The following NARS1 variants were observed in gnomAD, a reference collection of about 807,000 sequenced individuals.
NARS1 encodes asparaginyl-tRNA synthetase 1.
A neutral mutation model predicts 79.2 loss-of-function variants in NARS1; 65 were observed. That is an observed-to-expected ratio of 0.82 (90% CI 0.67 to 1.01). NARS1 has a LOEUF of 1.01. Among genes scored for constraint, NARS1 ranks in the 50% least tolerant of loss-of-function variants. The pLI is 0.00. For missense variants in NARS1, 649 were observed against 673.8 expected (o/e 0.96, Z 0.41); for synonymous variants, 229 against 238.8 (o/e 0.96, Z 0.38).
chr18:57,603,213 TA>T lies in NARS1; in HGVS notation c.1252-271del, dbSNP rs371863128. Among the ~76,000 whole-genome samples, 333 of 143,336 alleles carry T rather than the reference TA, an allele frequency of 2.3e-3. 2 individuals are homozygous for T. The highest frequency in any genetic ancestry group is 3.8e-3 in the Non-Finnish European group (248 of 64,908). 94.0% of individuals were successfully genotyped at this position (143,336 alleles called of 152,430 possible). ...CACCATGCTGTTTGATGAAGGAAAA[TA>T]AAAAAAAAAACAAAAACAAAAGCCA... On this transcript the variant is annotated intron_variant, in intron 11 of 13. Coordinates refer to ENST00000256854, the MANE Select transcript of NARS1 (RefSeq NM_004539.4).
Position 57,600,688 on chromosome 18 carries a change from G to A in NARS1, c.*964C>T, listed in dbSNP as rs921475586. On this transcript the variant is annotated 3_prime_UTR_variant, in exon 14 of 14. Transcript: ENST00000256854. ...TACGGGTGTTCATTTATTGACTGCT[G>A]GGAATACAGCCTATTGAGAATACAT... 1.3e-5 allele frequency: 2 copies of A among 152,142 alleles called. No individual in the cohort carries two copies. The highest frequency in any genetic ancestry group is 1.9e-4 in the East Asian group (1 of 5,198). 9.4% of individuals were successfully genotyped at this position (152,142 alleles called of 1,614,324 possible).
chr18:57,606,458 A>G (rs563716616), intron 10 of NARS1, among the ~76,000 whole-genome samples, 158 bp downstream of exon 10: 1 of 152,130 alleles, frequency 6.6e-6, no homozygotes, highest in East Asian at 1.9e-4. Context: ...ACATTATAAA[A>G]TTATTGACAG....
chr18:57,611,671 G>A lies in NARS1; in HGVS notation c.458C>T (p.Thr153Ile). Residue 153 changes from threonine to isoleucine, a missense_variant, in exon 6 of 14, where the codon ACA (threonine) becomes ATA (isoleucine). Physicochemically the swap from Thr to Ile is moderately conservative, Grantham distance 89 (BLOSUM62 -1). Transcript: ENST00000256854. ...NLMFLVLRDGTGYLQCVLADE... is the reference protein window; with the variant it reads ...NLMFLVLRDGIGYLQCVLADE... ...CGCCAAGACACACTGAAGATAACCT[G>A]TACCATCTCGCAACACCAGAAACAT... 1.9e-6 allele frequency: 3 copies of A among 1,595,652 alleles called. No individual in the cohort carries two copies. Among genetic ancestry groups the A allele is most frequent in the Non-Finnish European group, 2.6e-6 (3 of 1,172,394 alleles).
rs762561411 is a variant in NARS1, at chr18:57,616,058, C to T, written c.94-83G>A. The stretch of plus-strand genomic sequence containing the variant: ...AAATAACATCTCAAGTATAAGGCAA[C>T]TGGAACAATCTAAGCATAAAGACCC... On this transcript the variant is annotated intron_variant, in intron 2 of 13. Transcript: ENST00000256854. The T allele has an allele frequency of 1.6e-5, 20 of 1,247,890 alleles. No individual in the cohort carries two copies. The South Asian group carries it at 3.0e-4, about 19-fold the overall frequency. 77.3% of individuals were successfully genotyped at this position (1,247,890 alleles called of 1,614,324 possible).
At chr18:57,610,203 G>A (rs1293590470) in intron 6 of NARS1, among the ~76,000 whole-genome samples, 2 of 152,166 alleles carry the variant, frequency 1.3e-5, no homozygotes, top group African/African-American at 2.4e-5. Flanking sequence ...CGGGCACGGC[G>A]GCTCACACCT....
At chr18:57,605,737 C>CT in intron 11 of NARS1, 120 bp downstream of exon 11, 1 of 681,998 alleles carries the variant, frequency 1.5e-6, no homozygotes, top group Non-Finnish European at 2.5e-6. Flanking sequence ...GAAGCAGGTC[C>CT]TGCTGTTACC....
At position 57,609,387 on chromosome 18, in the gene NARS1, T is replaced by C. The variant is rs779221307; in HGVS notation, c.549A>G (p.Gly183=). ...TGCCCTTTGGGGTAAGATTTAGCAT[T>C]CCATACACTGCAACACTGCTCTCCG... ...LSTESSVAVY[G]MLNLTPKGKQ... is the part of the protein sequence containing the mutation. The change falls in exon 7 of 14, where the codon GGA becomes GGG. Residue 183 remains glycine (G), a synonymous_variant. Coordinates refer to ENST00000256854, the MANE Select transcript of NARS1 (RefSeq NM_004539.4). The C allele has an allele frequency of 3.7e-6, 6 of 1,614,036 alleles. No individual in the cohort carries two copies. Among genetic ancestry groups the C allele is most frequent in the South Asian group, 3.3e-5 (3 of 91,064 alleles).
intron 11 of NARS1, among the ~76,000 whole-genome samples, chr18:57,604,218 G>C (rs952218320): frequency 6.6e-6 from 1 of 152,186 alleles, no homozygotes; most frequent in African/African-American, 2.4e-5. Flanking sequence ...CTAAAAGTAT[G>C]CAAGTTCTCA....
intron 7 of NARS1, 67 bp downstream of exon 7, chr18:57,609,288 CAA>C: frequency 7.7e-7 from 1 of 1,292,028 alleles, no homozygotes; most frequent in South Asian, 1.2e-5. Flanking sequence ...AATGTACAAA[CAA>C]AGACACTGGA....
chr18:57,609,474 A>C (rs892984499), intron 6 of NARS1, 31 bp from the exon 7 acceptor site: 22 of 1,559,950 alleles, frequency 1.4e-5, no homozygotes, highest in Non-Finnish European at 1.6e-5. Flanking sequence ...AAATTTAGTT[A>C]TTCACATTGA....
Position 57,607,587 on chromosome 18 carries a change from T to C in NARS1, c.658A>G (p.Ile220Val). Residue 220 changes from isoleucine (I) to valine (V), a missense_variant, in exon 8 of 14, where the codon ATC becomes GTC. By Grantham distance (29) the Ile-to-Val change is conservative (BLOSUM62 3). Transcript: ENST00000256854. Reference sequence around the variant, plus strand: ...ACATCAACGTCAGACTCCTCATTGATCAGGTTGTCAGCTCCTCCAGCAGGG... The same window carrying C: ...ACATCAACGTCAGACTCCTCATTGACCAGGTTGTCAGCTCCTCCAGCAGGG... Reference protein sequence around the residue: ...LAPAGGADNLINEESDVDVQL... With the variant: ...LAPAGGADNLVNEESDVDVQL... 1.2e-6 allele frequency: 2 copies of C among 1,614,114 alleles called. No homozygotes were observed. The highest frequency in any genetic ancestry group is 1.7e-6 in the Non-Finnish European group (2 of 1,180,032).
chr18:57,611,521 GATTC>G (rs2051604498), intron 6 of NARS1, 112 bp downstream of exon 6: 1 of 651,086 alleles, frequency 1.5e-6, no homozygotes, highest in African/African-American at 2.0e-5. Flanking sequence ...GTGATGTTTT[GATTC>G]ATTGACATTC....
In NARS1 at chr18:57,613,666, C is replaced by A. The variant is rs773016767; in HGVS notation, c.357G>T (p.Ala119=). The change falls in exon 5 of 14, where the codon GCG becomes GCT. Residue 119 remains alanine (A), a synonymous_variant. Coordinates refer to ENST00000256854, the MANE Select transcript of NARS1 (RefSeq NM_004539.4). ...LPEPKCVKIG[A]LEGYRGQRVK... ...CTCTTTGGCCTCTATATCCTTCTAA[C>A]GCACCAATCTTCACCTGTCAAATTG... 1 of 1,613,738 alleles carries A rather than the reference C, an allele frequency of 6.2e-7. No homozygotes were observed.
intron 6 of NARS1, among the ~76,000 whole-genome samples, chr18:57,609,906 G>A (rs983973959): frequency 4.6e-5 from 7 of 152,066 alleles, no homozygotes; most frequent in Non-Finnish European, 1.0e-4. Context: ...AATTGGCTGG[G>A]TGTGGTGGTT....
chr18:57,621,714 C>A lies in NARS1; in HGVS notation c.4G>T (p.Val2Leu). Residue 2 changes from valine (V) to leucine (L), a missense_variant, in exon 1 of 14, where the codon GTG (valine) becomes TTG (leucine). By Grantham distance (32) the Val-to-Leu change is conservative. Coordinates refer to ENST00000256854, the MANE Select transcript of NARS1 (RefSeq NM_004539.4). M[V>L]LAELYVSDRE... ...TACACTGAGTCTCACCCACCTAGCA[C>A]CATGCCTGCAGTGGCCCTGGTCACC... The A allele has an allele frequency of 6.2e-7, 1 of 1,613,946 alleles. No individual in the cohort carries two copies. Among genetic ancestry groups the A allele is most frequent in the Non-Finnish European group, 8.5e-7 (1 of 1,179,966 alleles).
intron 8 of NARS1, 44 bp from the exon 9 acceptor site, chr18:57,607,377 A>C: frequency 6.2e-7 from 1 of 1,609,976 alleles, no homozygotes; most frequent in East Asian, 2.2e-5. Context: ...TATCGTGAGC[A>C]CCACTATTCA....
rs201818964 is a variant in NARS1, at chr18:57,602,891, A to G, written c.1304T>C (p.Ile435Thr). The G allele has an allele frequency of 1.2e-6, 2 of 1,614,110 alleles. No homozygotes were observed. Among genetic ancestry groups the G allele is most frequent in the East Asian group, 4.5e-5 (2 of 44,870 alleles). The change falls in exon 12 of 14, where the codon ATC (isoleucine) becomes ACC (threonine). Residue 435 changes from isoleucine to threonine, a missense_variant. Coordinates refer to ENST00000256854, the MANE Select transcript of NARS1 (RefSeq NM_004539.4). ...RLMTDTINEP[I>T]LLCRFPVEIK... ...CTCCACAGGAAATCGACACAGCAAG[A>G]TTGGTTCATTAATGGTGTCTGTCAT...
chr18:57,615,285 G>A (rs1210201629), intron 4 of NARS1, among the ~76,000 whole-genome samples: 3 of 152,150 alleles, frequency 2.0e-5, no homozygotes, highest in African/African-American at 4.8e-5. Flanking sequence ...GGCAGATCAC[G>A]AGATCGGGAG....
rs572221705 is a variant in NARS1 at position 57,616,849 on chromosome 18, A to C, written c.94-874T>G. ...AACCCTGTCTCTACTAAAAATACAA[A>C]AAATTAGCCGGGTGTGGTGGCGGGC... On this transcript the variant is annotated intron_variant, in intron 2 of 13. Coordinates refer to ENST00000256854, the MANE Select transcript of NARS1 (RefSeq NM_004539.4). Among the ~76,000 whole-genome samples the C allele has an allele frequency of 2.4e-4, 36 of 151,220 alleles. No homozygotes were observed. In the South Asian group the frequency reaches 4.6e-3, roughly 19 times the overall value.
Sources: gnomAD v4.1 joint callset for allele counts (sites outside exome capture counted in the v4.1 genomes callset) on GRCh38, gnomAD v4.1.1 for gene constraint, MANE v1.5 for transcripts, NCBI Gene and HGNC (gene_info 2026-07-23, HGNC 2026-07-21) for gene names.